NFX1: variants seen among roughly 807,000 people sequenced by gnomAD.
NFX1 encodes transcriptional repressor NF-X1.
A neutral mutation model predicts 137.2 loss-of-function variants in NFX1; 69 were observed. The observed-to-expected ratio is 0.50, with a 90% CI of 0.41 to 0.61. The LOEUF (loss-of-function observed/expected upper bound fraction) is 0.61, where lower values mean the gene tolerates loss of function less well. Among genes scored for constraint, NFX1 ranks in the 20% least tolerant of loss-of-function variants. The probability of loss-of-function intolerance (pLI) is 0.00; values close to 1 mark genes in which losing one functional copy is unlikely to be tolerated. For synonymous variants in NFX1, 495 were observed against 474.1 expected, an observed-to-expected ratio of 1.04 and a Z score of -0.57; for missense variants, 1,167 against 1,391.0, an observed-to-expected ratio of 0.84 and a Z score of 2.56.
chr9:33,307,414 C>T (rs1047887008), intron 5 of NFX1, 115 bp downstream of exon 5: 3 of 831,290 alleles, frequency 3.6e-6, no homozygotes, highest in East Asian at 5.0e-5. Flanking sequence ...GATATGGGAC[C>T]TCAGTAAATG....
At chr9:33,363,903 G>A (rs1160766336) in intron 19 of NFX1, 107 bp from the exon 20 acceptor site, 3 of 600,950 alleles carry the variant, frequency 5.0e-6, no homozygotes, top group Admixed American at 3.6e-5. Context: ...TACCAAAATA[G>A]AGATAAATAA....
rs1821300549 is a variant in NFX1 at position 33,294,995 on chromosome 9, G to A, written c.601G>A (p.Glu201Lys). The change falls in exon 2 of 24, where the codon GAG (glutamate) becomes AAG (lysine). Residue 201 changes from glutamate to lysine, a missense_variant. This residue lies in a region of NFX1 where 367 missense variants were observed against 386.7 expected (regional missense o/e 0.95). Transcript: ENST00000379540. ...EWSNRTTPKP[E>K]DAGPESTKPV... ...GAGTAACCGAACAACTCCAAAACCG[G>A]AGGATGCTGGACCCGAAAGTACCAA... 6.2e-7 allele frequency: 1 copy of A among 1,614,178 alleles called. No individual in the cohort carries two copies. Among genetic ancestry groups the A allele is most frequent in the Non-Finnish European group, 8.5e-7 (1 of 1,180,036 alleles).
intron 11 of NFX1, among the ~76,000 whole-genome samples, chr9:33,337,370 ATAT>A (rs904503945): frequency 6.6e-5 from 10 of 152,204 alleles, no homozygotes; most frequent in African/African-American, 2.4e-4. Flanking sequence ...TTATATGCAA[ATAT>A]TATACCATTT....
At chr9:33,351,487 T>C in intron 15 of NFX1, 73 bp from the exon 16 acceptor site, 3 of 1,418,066 alleles carry the variant, frequency 2.1e-6, no homozygotes, top group Non-Finnish European at 2.0e-6. Flanking sequence ...CTTAGAAATG[T>C]TTAAAGAGAA....
rs961041222 is a variant in NFX1, at chr9:33,308,648, G to A, written c.1376+1349G>A. Among the ~76,000 whole-genome samples the A allele has an allele frequency of 2.6e-5, 4 of 152,286 alleles. No individual in the cohort carries two copies. In the East Asian group the frequency reaches 7.7e-4, roughly 29 times the overall value. ...TATTAATTTATCTAAGCCTGCATCTGTAAAATAATAATGATAGTAATAATA... is the reference window on the plus strand; with the variant it reads ...TATTAATTTATCTAAGCCTGCATCTATAAAATAATAATGATAGTAATAATA... On this transcript the variant is annotated intron_variant, in intron 5 of 23. Transcript: ENST00000379540.
intron 22 of NFX1, among the ~76,000 whole-genome samples, chr9:33,367,127 C>T (rs1824192342): frequency 6.6e-6 from 1 of 152,208 alleles, no homozygotes; most frequent in Non-Finnish European, 1.5e-5. Context: ...TGGCTCTGTC[C>T]TCTTGGCATG....
Position 33,354,886 on chromosome 9 carries a change from G to A in NFX1, c.2867G>A (p.Arg956Lys), listed in dbSNP as rs1351797830. 4 of 1,613,724 alleles carry A rather than the reference G, an allele frequency of 2.5e-6. No homozygotes were observed. The South Asian group carries it at 4.4e-5, about 18-fold the overall frequency. Reference protein sequence around the residue: ...ECDEECSALERKKRLAEAFHI... With the variant: ...ECDEECSALEKKKRLAEAFHI... ...GATGAGGAGTGTTCAGCCTTGGAAA[G>A]GAAAAAGTAAGTAGTTGCAGCTGCT... The change falls in exon 19 of 24, where the codon AGG (arginine) becomes AAG (lysine). Residue 956 changes from arginine to lysine, a missense_variant. Arg to Lys is a conservative substitution (Grantham distance 26). Around this residue, in one of 3 missense-constraint regions of NFX1, gnomAD observed 312 missense variants for 312.8 expected, o/e 1.00. Transcript: ENST00000379540.
chr9:33,356,506 G>T (rs1823814019), intron 19 of NFX1, among the ~76,000 whole-genome samples: 1 of 151,820 alleles, frequency 6.6e-6, no homozygotes, highest in African/African-American at 2.4e-5. Flanking sequence ...AATTTTTAAT[G>T]TTAATATTAT....
intron 13 of NFX1, among the ~76,000 whole-genome samples, chr9:33,343,159 A>G (rs1385436130): frequency 2.0e-5 from 3 of 152,100 alleles, no homozygotes; most frequent in Non-Finnish European, 2.9e-5. Flanking sequence ...CTTTCTCTAT[A>G]TTATTAGCAG....
At chr9:33,331,365 T>C (rs1414643950) in intron 10 of NFX1, among the ~76,000 whole-genome samples, 1 of 152,254 alleles carries the variant, frequency 6.6e-6, no homozygotes, top group East Asian at 1.9e-4. Context: ...CTGATAAATG[T>C]ATGCTGTGTC....
chr9:33,338,986 A>G (rs1823116911), intron 12 of NFX1, among the ~76,000 whole-genome samples: 1 of 152,202 alleles, frequency 6.6e-6, no homozygotes, highest in Non-Finnish European at 1.5e-5. Context: ...GGTCAGTAGG[A>G]AAAATTATTA....
chr9:33,306,060 C>T (rs1821742602), intron 4 of NFX1, among the ~76,000 whole-genome samples: 2 of 152,088 alleles, frequency 1.3e-5, no homozygotes, highest in Non-Finnish European at 2.9e-5. Context: ...TAGAGGAAAA[C>T]CAGGGCACTG....
At chr9:33,352,798 T>C in intron 17 of NFX1, 79 bp downstream of exon 17, 1 of 1,233,610 alleles carries the variant, frequency 8.1e-7, no homozygotes. Context: ...TTAAAGCTAG[T>C]CAAGTGAAGC....
rs1047638278 is a variant in NFX1, at chr9:33,348,710, G to C, written c.2424+1593G>C. 1.6e-5 allele frequency: 16 copies of C among 973,852 alleles called. No homozygotes were observed. The African/African-American group carries it at 2.8e-4, about 17-fold the overall frequency. 60.3% of individuals were successfully genotyped at this position (973,852 alleles called of 1,614,324 possible). A position where few individuals can be genotyped will look rare whatever the true frequency, so the allele number is the denominator to read the frequency against. ...TGTGATATCTATGAAATGCAATAAA[G>C]TGAAGTCCAATAAGAAATGCATATT... On this transcript the variant is annotated intron_variant, in intron 15 of 23. Transcript: ENST00000379540.
chr9:33,350,495 T>G (rs915656259), intron 15 of NFX1, among the ~76,000 whole-genome samples: 2 of 152,200 alleles, frequency 1.3e-5, no homozygotes, highest in African/African-American at 4.8e-5. Context: ...AAGCACTCCC[T>G]AGTTACCTAG....
intron 19 of NFX1, among the ~76,000 whole-genome samples, chr9:33,363,062 T>G (rs1157130999): frequency 6.6e-6 from 1 of 151,892 alleles, no homozygotes; most frequent in Non-Finnish European, 1.5e-5. Context: ...AGGTGTAGTA[T>G]TTTACAAAAT....
At chr9:33,349,232 T>C (rs1415383049) in intron 15 of NFX1, among the ~76,000 whole-genome samples, 2 of 152,174 alleles carry the variant, frequency 1.3e-5, no homozygotes, top group African/African-American at 2.4e-5. Flanking sequence ...CTTGCCCTTA[T>C]GAAGCCTTCA....
At chr9:33,359,138 C>T (rs1823911112) in intron 19 of NFX1, among the ~76,000 whole-genome samples, 1 of 152,130 alleles carries the variant, frequency 6.6e-6, no homozygotes, top group Non-Finnish European at 1.5e-5. Context: ...ACAGTCATGT[C>T]TTCTAATAAT....
At chr9:33,319,746 G>A (rs891225755) in intron 9 of NFX1, among the ~76,000 whole-genome samples, 1 of 152,172 alleles carries the variant, frequency 6.6e-6, no homozygotes, top group South Asian at 2.1e-4. Context: ...CTGGCACCAA[G>A]TGATCCACCC....
Sources: gnomAD v4.1 joint callset for allele counts (sites outside exome capture counted in the v4.1 genomes callset) on GRCh38, gnomAD v4.1.1 for gene constraint, gnomAD v4.1.1 regional missense constraint, MANE v1.5 for transcripts, NCBI Gene and HGNC (gene_info 2026-07-23, HGNC 2026-07-21) for gene names.